Variants in ASAP3 observed in about 807,000 individuals in gnomAD.
The protein encoded by ASAP3 is ArfGAP with SH3 domain, ankyrin repeat and PH domain 3.
A neutral mutation model predicts 118.2 loss-of-function variants in ASAP3; 85 were observed. That is an observed-to-expected ratio of 0.72 (90% CI 0.60 to 0.86). The LOEUF (loss-of-function observed/expected upper bound fraction) is 0.86, where lower values mean the gene tolerates loss of function less well. ASAP3 is among the 40% of genes least tolerant of loss of function. The probability of loss-of-function intolerance (pLI) is 0.00; values close to 1 mark genes in which losing one functional copy is unlikely to be tolerated. For synonymous variants in ASAP3, 432 were observed against 477.4 expected (o/e 0.90, Z 1.24); for missense variants, 1,026 against 1,175.0 (o/e 0.87, Z 1.85).
chr1:23,435,654 C>T, intron 17 of ASAP3, 197 bp downstream of exon 17: 1 of 660,570 alleles, frequency 1.5e-6, no homozygotes, highest in East Asian at 2.6e-5. Context: ...GATCACACAG[C>T]TAGGAAAAAA....
chr1:23,452,757 G>A lies in ASAP3; in HGVS notation c.363C>T (p.Asn121=). ...ALFKNLIQNL[N]NIVSFPLDSL... is the part of the protein sequence containing the mutation. ...TGTCCAGGGGGAAAGAGACAATGTT[G>A]TTCAAGTTCTGAATCTGGAAAAAAC... The change falls in exon 4 of 25, where the codon AAC becomes AAT. Residue 121 remains asparagine (N), a synonymous_variant. Coordinates refer to ENST00000336689, the MANE Select transcript of ASAP3 (RefSeq NM_017707.4). 6.2e-7 allele frequency: 1 copy of A among 1,613,898 alleles called. No homozygotes were observed. The highest frequency in any genetic ancestry group is 8.5e-7 in the Non-Finnish European group (1 of 1,180,004).
rs974601233 is a variant in ASAP3, at chr1:23,438,689, G to A, written c.1102+58C>T. 19 of 1,526,210 alleles carry A rather than the reference G, an allele frequency of 1.2e-5. No homozygotes were observed. The highest frequency in any genetic ancestry group is 1.6e-5 in the Non-Finnish European group (18 of 1,102,074). The allele number at this position is 1,526,210 out of a possible 1,614,324, so 94.5% of individuals were successfully genotyped here. A position where few individuals can be genotyped will look rare whatever the true frequency, so the allele number is the denominator to read the frequency against. On this transcript the variant is annotated intron_variant, in intron 12 of 24. Coordinates refer to ENST00000336689, the MANE Select transcript of ASAP3 (RefSeq NM_017707.4). The surrounding 1 kb of genome is among the most constrained non-coding windows in gnomAD (Gnocchi z 4.9). ...ACTGAAGCCCCCCGGGAGCTGACAG[G>A]TGTCTTAGAGAAGCCCTGAGCAGCT...
In ASAP3 at chr1:23,436,061, G is replaced by T. The variant is rs1429390338; in HGVS notation, c.1572-33C>A. On this transcript the variant is annotated intron_variant, in intron 16 of 24. Coordinates refer to ENST00000336689, the MANE Select transcript of ASAP3 (RefSeq NM_017707.4). This position sits in a 1 kb window ranked among gnomAD's most constrained non-coding sequence, Gnocchi z 4.2. ...AAACAACCACAGGATCTCAGAGCATGGACCGTGTCTGCCCAGCTGATCCCT... is the reference window on the plus strand; with the variant it reads ...AAACAACCACAGGATCTCAGAGCATTGACCGTGTCTGCCCAGCTGATCCCT... The T allele has an allele frequency of 6.2e-7, 1 of 1,610,766 alleles. No individual in the cohort carries two copies. Among genetic ancestry groups the T allele is most frequent in the Non-Finnish European group, 8.5e-7 (1 of 1,177,236 alleles).
chr1:23,458,594 G>A (rs1005446706), intron 1 of ASAP3, among the ~76,000 whole-genome samples: 1 of 151,906 alleles, frequency 6.6e-6, no homozygotes, highest in Non-Finnish European at 1.5e-5. Flanking sequence ...AGAGAGCCCT[G>A]TCTCAAAAAG....
Position 23,456,149 on chromosome 1 carries a change from C to A in ASAP3, c.175G>T (p.Val59Leu). 2 of 1,614,188 alleles carry A rather than the reference C, an allele frequency of 1.2e-6. No homozygotes were observed. Among genetic ancestry groups the A allele is most frequent in the African/African-American group, 2.7e-5 (2 of 75,046 alleles). Residue 59 changes from valine (V) to leucine (L), a missense_variant, in exon 2 of 25, where the codon GTG becomes TTG. By Grantham distance (32) the Val-to-Leu change is conservative. Coordinates refer to ENST00000336689, the MANE Select transcript of ASAP3 (RefSeq NM_017707.4). ...AGGCCGGAGCTATGGATTGCCCGCA[C>A]AGCCTTCTTTATTCTCTGCAGGATG... Reference protein sequence around the residue: ...QAILQRIKKAVRAIHSSGLGH... With the variant: ...QAILQRIKKALRAIHSSGLGH...
At chr1:23,478,761 A>G (rs954597499) in intron 1 of ASAP3, among the ~76,000 whole-genome samples, 2 of 151,370 alleles carry the variant, frequency 1.3e-5, no homozygotes, top group Non-Finnish European at 3.0e-5. Flanking sequence ...CTCTGTCTCA[A>G]AAAAAAAATA....
rs745389100 is a variant in ASAP3 at position 23,429,834 on chromosome 1, G to A, written c.*22C>T. The A allele has an allele frequency of 1.2e-6, 2 of 1,611,202 alleles. No homozygotes were observed. The highest frequency in any genetic ancestry group is 1.3e-5 in the African/African-American group (1 of 74,880). On this transcript the variant is annotated 3_prime_UTR_variant, in exon 25 of 25. Coordinates refer to ENST00000336689, the MANE Select transcript of ASAP3 (RefSeq NM_017707.4). ...TCTGAACATTGGGGCCTAGCATGGGGCATGTGGGGGCCAGCAAGGAGCTAG... is the reference window on the plus strand; with the variant it reads ...TCTGAACATTGGGGCCTAGCATGGGACATGTGGGGGCCAGCAAGGAGCTAG...
chr1:23,441,380 G>A lies in ASAP3; in HGVS notation c.834+7C>T. On this transcript the variant is annotated splice_region_variant and intron_variant, in intron 9 of 24. Transcript: ENST00000336689. ...GGCATTCCTTTTGGGATAGTTCAGG[G>A]GCTGACCTCTCTGCTCTCAAGCTGC... 1 of 1,613,842 alleles carries A rather than the reference G, an allele frequency of 6.2e-7. No individual in the cohort carries two copies. Among genetic ancestry groups the A allele is most frequent in the Non-Finnish European group, 8.5e-7 (1 of 1,179,932 alleles).
chr1:23,461,247 T>C (rs999691202), intron 1 of ASAP3, among the ~76,000 whole-genome samples: 1 of 152,182 alleles, frequency 6.6e-6, no homozygotes, highest in African/African-American at 2.4e-5. Flanking sequence ...TTGAAACAAA[T>C]GTACCACTCT....
chr1:23,476,895 G>A (rs370857046), intron 1 of ASAP3, among the ~76,000 whole-genome samples: 34 of 148,262 alleles, frequency 2.3e-4, no homozygotes, highest in African/African-American at 8.0e-4. Context: ...TCATTTATTT[G>A]TTATTCAACC....
chr1:23,447,977 G>A (rs1449742971), intron 5 of ASAP3, among the ~76,000 whole-genome samples: 3 of 152,190 alleles, frequency 2.0e-5, no homozygotes, highest in Non-Finnish European at 2.9e-5. Flanking sequence ...TAGCTGGGGA[G>A]TGCTTTTCTT....
chr1:23,482,252 C>T (rs956641692), intron 1 of ASAP3, among the ~76,000 whole-genome samples: 1 of 152,192 alleles, frequency 6.6e-6, no homozygotes. Flanking sequence ...GCCAGTGCAG[C>T]GGCTCACACC....
chr1:23,456,144 C>G lies in ASAP3; in HGVS notation c.180G>C (p.Arg60=). The G allele has an allele frequency of 6.2e-7, 1 of 1,614,156 alleles. No individual in the cohort carries two copies. Among genetic ancestry groups the G allele is most frequent in the African/African-American group, 1.3e-5 (1 of 75,042 alleles). ...TACCAAGGCCGGAGCTATGGATTGC[C>G]CGCACAGCCTTCTTTATTCTCTGCA... is the stretch of plus-strand genomic sequence containing the variant. ...AILQRIKKAV[R]AIHSSGLGHV... is the part of the protein sequence containing the mutation. The change falls in exon 2 of 25, where the codon CGG becomes CGC. Residue 60 remains arginine, a synonymous_variant. Transcript: ENST00000336689.
At chr1:23,456,435 C>T (rs1340227466) in intron 1 of ASAP3, among the ~76,000 whole-genome samples, 1 of 152,142 alleles carries the variant, frequency 6.6e-6, no homozygotes, top group Admixed American at 6.6e-5. Flanking sequence ...CTCCCTGAAT[C>T]CAATGCAGCG....
intron 22 of ASAP3, 44 bp downstream of exon 22, chr1:23,433,033 C>T: frequency 6.2e-7 from 1 of 1,610,134 alleles, no homozygotes; most frequent in Non-Finnish European, 8.5e-7. Context: ...TACAGGTCCT[C>T]TGTGAATGGC....
At position 23,436,765 on chromosome 1, in the gene ASAP3, C is replaced by A. The variant is rs1003369010; in HGVS notation, c.1477-111G>T. 1.3e-6 allele frequency: 2 copies of A among 1,529,018 alleles called. No homozygotes were observed. Among genetic ancestry groups the A allele is most frequent in the Admixed American group, 3.7e-5 (2 of 54,190 alleles). The allele number at this position is 1,529,018 out of a possible 1,614,324, so 94.7% of individuals were successfully genotyped here. A position where few individuals can be genotyped will look rare whatever the true frequency, so the allele number is the denominator to read the frequency against. ...CCGCCCCTCGGCCGCCCTCCCGGTT[C>A]AGGCCCCGCCCCTGACCACCCGCTA... is the stretch of plus-strand genomic sequence containing the variant. On this transcript the variant is annotated intron_variant, in intron 15 of 24. Coordinates refer to ENST00000336689, the MANE Select transcript of ASAP3 (RefSeq NM_017707.4). This position sits in a 1 kb window ranked among gnomAD's most constrained non-coding sequence, Gnocchi z 4.2.
chr1:23,483,773 G>A (rs1170062049), intron 1 of ASAP3, among the ~76,000 whole-genome samples: 1 of 152,232 alleles, frequency 6.6e-6, no homozygotes, highest in Admixed American at 6.5e-5. Flanking sequence ...CCGACCTGTG[G>A]AGTTTGTCAT....
Position 23,435,832 on chromosome 1 carries a change from C to A in ASAP3, c.1749+19G>T. 6.2e-7 allele frequency: 1 copy of A among 1,614,180 alleles called. No homozygotes were observed. The highest frequency in any genetic ancestry group is 8.5e-7 in the Non-Finnish European group (1 of 1,179,988). On this transcript the variant is annotated intron_variant, in intron 17 of 24. Coordinates refer to ENST00000336689, the MANE Select transcript of ASAP3 (RefSeq NM_017707.4). ...TGTTAGACAGGTGGGTTATAAGTGG[C>A]CCTTGGAGGGGTTCTCACCTGTGCA...
Position 23,433,677 on chromosome 1 carries a change from C to A in ASAP3, c.1968G>T (p.Glu656Asp), listed in dbSNP as rs757431221. ...ALVGTVNEAGETALDIARKKH... is the reference protein window; with the variant it reads ...ALVGTVNEAGDTALDIARKKH... ...TCTTCCTGGCTATGTCCAGAGCTGTCTCGCCTGCTTCATTTACTGTGAGCG... is the reference window on the plus strand; with the variant it reads ...TCTTCCTGGCTATGTCCAGAGCTGTATCGCCTGCTTCATTTACTGTGAGCG... Residue 656 changes from glutamate to aspartate, a missense_variant, in exon 20 of 25, where the codon GAG (glutamate) becomes GAT (aspartate). Transcript: ENST00000336689. 7 of 1,614,118 alleles carry A rather than the reference C, an allele frequency of 4.3e-6. No homozygotes were observed. The Admixed American group carries it at 8.3e-5, about 19-fold the overall frequency.
Sources: gnomAD v4.1 joint callset for allele counts (sites outside exome capture counted in the v4.1 genomes callset) on GRCh38, gnomAD v4.1.1 for gene constraint, Gnocchi (gnomAD v3.1) non-coding constraint, MANE v1.5 for transcripts, NCBI Gene and HGNC (gene_info 2026-07-23, HGNC 2026-07-21) for gene names.